Variants in NUDC observed in about 807,000 individuals in gnomAD.
NUDC encodes the protein nuclear distribution C, dynein complex regulator, also known as nuclear migration protein nudC.
A neutral mutation model predicts 45.0 loss-of-function variants in NUDC; 14 were observed. The observed-to-expected ratio is 0.31, with a 90% confidence interval of 0.21 to 0.49. The LOEUF is 0.49. Ranked by LOEUF, NUDC falls within the 20% of genes least tolerant of loss-of-function variation. The pLI is 0.99. For missense variants in NUDC, 323 were observed against 426.2 expected (o/e 0.76, Z 2.13); for synonymous variants, 153 against 156.7 (o/e 0.98, Z 0.17).
chr1:26,900,352 T>A lies in NUDC; in HGVS notation c.-149T>A. On this transcript the variant is annotated 5_prime_UTR_variant, in exon 1 of 7. Transcript: ENST00000435827. Reference sequence around the variant, plus strand: ...TCTTCTCGGAACTGGCTAAAATAGCTCCGTAAATGGGCCGAGCGCAACACG... The same window carrying A: ...TCTTCTCGGAACTGGCTAAAATAGCACCGTAAATGGGCCGAGCGCAACACG... 7 of 1,613,874 alleles carry A rather than the reference T, an allele frequency of 4.3e-6. No individual in the cohort carries two copies. The South Asian group carries it at 6.6e-5, about 15-fold the overall frequency.
At chr1:26,934,721 G>A (rs1181627271) in intron 2 of NUDC, among the ~76,000 whole-genome samples, 2 of 150,798 alleles carry the variant, frequency 1.3e-5, no homozygotes, top group East Asian at 1.9e-4. Context: ...GTGCAGTGGT[G>A]CAATCTGGGC....
At chr1:26,928,180 T>C (rs2082149635) in intron 2 of NUDC, among the ~76,000 whole-genome samples, 1 of 152,172 alleles carries the variant, frequency 6.6e-6, no homozygotes, top group African/African-American at 2.4e-5. Context: ...GAGGATTTAA[T>C]GTGTCTATTG....
chr1:26,938,765 A>T (rs1478622795), intron 2 of NUDC, among the ~76,000 whole-genome samples: 1 of 152,150 alleles, frequency 6.6e-6, no homozygotes, highest in East Asian at 1.9e-4. Flanking sequence ...TGCTTGAAAG[A>T]GGGTTTATTG....
At chr1:26,941,363 C>A in intron 2 of NUDC, 94 bp from the exon 3 acceptor site, 1 of 1,333,620 alleles carries the variant, frequency 7.5e-7, no homozygotes, top group Non-Finnish European at 1.1e-6. Flanking sequence ...AGTGCTTTGC[C>A]CTTGCACCCA....
At chr1:26,911,448 C>T (rs1488502026) in intron 3 of NUDC, 1 of 343,696 alleles carries the variant, frequency 2.9e-6, no homozygotes. Flanking sequence ...GGAGGTGAGA[C>T]AGTCCCTTCC....
chr1:26,930,599 A>G (rs2082174472), intron 2 of NUDC, among the ~76,000 whole-genome samples: 2 of 151,546 alleles, frequency 1.3e-5, no homozygotes, highest in African/African-American at 4.9e-5. Context: ...AGTCCCAGCT[A>G]CTCTGCAGAC....
chr1:26,928,213 A>G (rs1330595338), intron 2 of NUDC, among the ~76,000 whole-genome samples: 1 of 152,158 alleles, frequency 6.6e-6, no homozygotes, highest in Non-Finnish European at 1.5e-5. Flanking sequence ...TCAGTAGGCA[A>G]AGCATGATTT....
intron 3 of NUDC, among the ~76,000 whole-genome samples, chr1:26,914,795 C>T (rs1239262437): frequency 6.6e-6 from 1 of 151,620 alleles, no homozygotes; most frequent in African/African-American, 2.4e-5. Flanking sequence ...GGCAAAATCC[C>T]GTCTCTACTA....
chr1:26,942,255 C>T (rs1384427340), intron 4 of NUDC, among the ~76,000 whole-genome samples: 1 of 152,158 alleles, frequency 6.6e-6, no homozygotes, highest in Non-Finnish European at 1.5e-5. Flanking sequence ...CACGCCACTG[C>T]ACTCCAGCCT....
chr1:26,916,986 G>A (rs1194458626), upstream of NUDC, among the ~76,000 whole-genome samples: 1 of 152,038 alleles, frequency 6.6e-6, no homozygotes, highest in Non-Finnish European at 1.5e-5. Flanking sequence ...ATCAGGCGTG[G>A]TGGCTCACGC....
At chr1:26,912,596 A>G (rs1040475368) in intron 3 of NUDC, among the ~76,000 whole-genome samples, 3 of 152,144 alleles carry the variant, frequency 2.0e-5, no homozygotes, top group Admixed American at 2.0e-4. Flanking sequence ...GGGAACTCTC[A>G]TCTCAGATGC....
Position 26,931,376 on chromosome 1 carries a change from CCTT to C in NUDC, c.159+7211_159+7213del, listed in dbSNP as rs1238257370. Among the ~76,000 whole-genome samples the C allele has an allele frequency of 4.8e-5, 6 of 124,666 alleles. No homozygotes were observed. In the East Asian group the frequency reaches 1.4e-3, roughly 30 times the overall value. 81.8% of individuals were successfully genotyped at this position (124,666 alleles called of 152,430 possible). A position where few individuals can be genotyped will look rare whatever the true frequency, so the allele number is the denominator to read the frequency against. On this transcript the variant is annotated intron_variant, in intron 2 of 8. Coordinates refer to ENST00000321265, the MANE Select transcript of NUDC (RefSeq NM_006600.4). ...TACAGGCATGAACCACTGCGCCTGGCCTTTTTTTTTTTTTTTTTTTTTTTGAGG... is the reference window on the plus strand; with the variant it reads ...TACAGGCATGAACCACTGCGCCTGGCTTTTTTTTTTTTTTTTTTTTTGAGG...
At chr1:26,911,915 A>G in intron 3 of NUDC, 2 of 1,614,180 alleles carry the variant, frequency 1.2e-6, no homozygotes, top group Non-Finnish European at 1.7e-6. Context: ...GCGAAAGAAG[A>G]GGTCCCCAAG....
chr1:26,939,371 A>T (rs1368796204), intron 2 of NUDC, among the ~76,000 whole-genome samples: 1 of 152,016 alleles, frequency 6.6e-6, no homozygotes, highest in African/African-American at 2.4e-5. Flanking sequence ...TTACACTTGT[A>T]ATCCCAGCAC....
At chr1:26,936,134 AATATATATATATATAT>A (rs1215586103) in intron 2 of NUDC, among the ~76,000 whole-genome samples, 15 of 6,812 alleles carry the variant, frequency 2.2e-3, no homozygotes, top group East Asian at 0.021. Context: ...ACGCCCGGCT[AATATATATATATATAT>A]ATATATATAT....
intron 2 of NUDC, among the ~76,000 whole-genome samples, chr1:26,904,507 C>T (rs1433120208): frequency 6.6e-6 from 1 of 152,136 alleles, no homozygotes; most frequent in African/African-American, 2.4e-5. Flanking sequence ...CTCACTGCAG[C>T]CTTGAACTGC....
intron 2 of NUDC, among the ~76,000 whole-genome samples, chr1:26,926,454 A>G (rs1216185850): frequency 6.6e-6 from 1 of 152,092 alleles, no homozygotes; most frequent in African/African-American, 2.4e-5. Flanking sequence ...GACCCCTTCT[A>G]GCTCAGATAT....
At chr1:26,921,719 C>A, upstream of NUDC, 2 of 993,072 alleles carry the variant, frequency 2.0e-6, no homozygotes, top group Non-Finnish European at 3.1e-6. Context: ...GGCAGCCGCG[C>A]GCGTGCGTGT....
At position 26,921,770 on chromosome 1, in the gene NUDC, G is replaced by A. The variant is rs2082092467; in HGVS notation, c.-79G>A. On this transcript the variant is annotated 5_prime_UTR_variant, in exon 1 of 9. Coordinates refer to ENST00000321265, the MANE Select transcript of NUDC (RefSeq NM_006600.4). ...GGAAGGCGGACGACTAGAGTCGTTG[G>A]GCCCGGCGCGACCCGCAGGAGCGTA... The A allele has an allele frequency of 1.2e-5, 18 of 1,465,234 alleles. No homozygotes were observed. In the South Asian group the frequency reaches 1.9e-4, roughly 16 times the overall value. 90.8% of individuals were successfully genotyped at this position (1,465,234 alleles called of 1,614,324 possible). A position where few individuals can be genotyped will look rare whatever the true frequency, so the allele number is the denominator to read the frequency against.
Sources: gnomAD v4.1 joint callset for allele counts (sites outside exome capture counted in the v4.1 genomes callset) on GRCh38, gnomAD v4.1.1 for gene constraint, MANE v1.5 for transcripts, NCBI Gene and HGNC (gene_info 2026-07-23, HGNC 2026-07-21) for gene names.